The following FANCC variants were observed in gnomAD, a reference collection of about 807,000 sequenced individuals.
FANCC encodes FA complementation group C.
Under a neutral mutation model 71.3 loss-of-function variants are expected in FANCC, and 55 were observed. The observed-to-expected ratio is 0.77, with a 90% confidence interval of 0.62 to 0.97. The LOEUF (loss-of-function observed/expected upper bound fraction) is 0.97. Ranked by LOEUF, FANCC falls within the 50% of genes least tolerant of loss-of-function variation. The pLI is 0.00. For synonymous variants in FANCC, 275 were observed against 244.9 expected (o/e 1.12, Z -1.15); for missense variants, 678 against 670.9 (o/e 1.01, Z -0.12).
chr9:95,268,400 T>C (rs1006446439), intron 1 of FANCC, among the ~76,000 whole-genome samples: 4 of 152,228 alleles, frequency 2.6e-5, no homozygotes, highest in Admixed American at 2.6e-4. Flanking sequence ...AAAGGGTCTG[T>C]TGTCAGCTAA....
chr9:95,171,800 T>C (rs1446300184), intron 5 of FANCC, among the ~76,000 whole-genome samples: 1 of 152,198 alleles, frequency 6.6e-6, no homozygotes, highest in Non-Finnish European at 1.5e-5. Context: ...GATGTGTCCC[T>C]AGAAAGAGAG....
chr9:95,286,411 G>A (rs1004361946), intron 1 of FANCC, among the ~76,000 whole-genome samples: 7 of 152,124 alleles, frequency 4.6e-5, no homozygotes, highest in Non-Finnish European at 7.4e-5. Flanking sequence ...GCTCCTTACA[G>A]GAAAAACAAG....
chr9:95,236,600 A>G (rs1327920976), intron 4 of FANCC, among the ~76,000 whole-genome samples: 2 of 152,252 alleles, frequency 1.3e-5, no homozygotes, highest in Non-Finnish European at 2.9e-5. Flanking sequence ...TGCTAAAAAT[A>G]CAACTCAGTC....
chr9:95,205,812 A>C (rs936842683), intron 4 of FANCC, among the ~76,000 whole-genome samples: 6 of 152,210 alleles, frequency 3.9e-5, no homozygotes, highest in Non-Finnish European at 5.9e-5. Context: ...GGCTAGCAAG[A>C]ACAACATTTT....
At chr9:95,214,301 G>A (rs1828708609) in intron 4 of FANCC, among the ~76,000 whole-genome samples, 1 of 152,096 alleles carries the variant, frequency 6.6e-6, no homozygotes, top group South Asian at 2.1e-4. Context: ...GCATGATGGT[G>A]CATGCCTGTA....
At chr9:95,292,597 T>C in intron 1 of FANCC, 1 of 1,462,376 alleles carries the variant, frequency 6.8e-7, no homozygotes, top group Admixed American at 1.7e-5. Flanking sequence ...CTGTGCACCG[T>C]GCGCGGCTGC....
chr9:95,316,434 A>G (rs1835743849), intron 1 of FANCC, among the ~76,000 whole-genome samples: 1 of 152,226 alleles, frequency 6.6e-6, no homozygotes, highest in South Asian at 2.1e-4. Context: ...TCAGGGGAGT[A>G]AGGAGAAAAC....
At chr9:95,213,550 G>A (rs1190557575) in intron 4 of FANCC, among the ~76,000 whole-genome samples, 2 of 152,140 alleles carry the variant, frequency 1.3e-5, no homozygotes, top group African/African-American at 4.8e-5. Context: ...ATCATTCAAT[G>A]GGGAAAAGAC....
chr9:95,122,663 C>T (rs2072978178), intron 10 of FANCC, among the ~76,000 whole-genome samples: 1 of 152,134 alleles, frequency 6.6e-6, no homozygotes, highest in South Asian at 2.1e-4. Flanking sequence ...TCCATAGTGC[C>T]CACGGCCAAC....
At chr9:95,138,110 G>A (rs1287377432) in intron 7 of FANCC, among the ~76,000 whole-genome samples, 1 of 152,268 alleles carries the variant, frequency 6.6e-6, no homozygotes, top group East Asian at 1.9e-4. Flanking sequence ...CTCATTAACA[G>A]CCCTACAAAA....
At chr9:95,108,827 G>GA (rs1198201348) in intron 13 of FANCC, among the ~76,000 whole-genome samples, 3 of 151,792 alleles carry the variant, frequency 2.0e-5, no homozygotes, top group Admixed American at 2.0e-4. Flanking sequence ...TACACATAAT[G>GA]CCTTGTATCT....
intron 4 of FANCC, among the ~76,000 whole-genome samples, chr9:95,228,533 T>C (rs1829777276): frequency 6.6e-6 from 1 of 152,192 alleles, no homozygotes; most frequent in Non-Finnish European, 1.5e-5. Flanking sequence ...GCTTACTGTG[T>C]GCCAGGCACT....
chr9:95,222,052 G>A (rs1829307369), intron 4 of FANCC, among the ~76,000 whole-genome samples: 1 of 151,222 alleles, frequency 6.6e-6, no homozygotes, highest in Admixed American at 6.6e-5. Context: ...GTTCAAACTG[G>A]GCCTAGGAGC....
At chr9:95,103,645 C>T (rs2071223640) in intron 14 of FANCC, among the ~76,000 whole-genome samples, 1 of 152,164 alleles carries the variant, frequency 6.6e-6, no homozygotes, top group Admixed American at 6.5e-5. Flanking sequence ...GCAGGAGAAC[C>T]GCAGGGACGT....
chr9:95,207,613 A>G (rs1042035635), intron 4 of FANCC, among the ~76,000 whole-genome samples: 8 of 152,148 alleles, frequency 5.3e-5, no homozygotes, highest in African/African-American at 1.9e-4. Context: ...GATGCTCCCT[A>G]GAACTCCGGG....
chr9:95,218,936 C>T (rs971648226), intron 4 of FANCC, among the ~76,000 whole-genome samples: 1 of 152,192 alleles, frequency 6.6e-6, no homozygotes, highest in Non-Finnish European at 1.5e-5. Context: ...ACACTGAAAA[C>T]GATAGGAAAT....
chr9:95,277,978 C>CA (rs1258640135), intron 1 of FANCC, among the ~76,000 whole-genome samples: 1 of 152,130 alleles, frequency 6.6e-6, no homozygotes, highest in African/African-American at 2.4e-5. Flanking sequence ...TATAAATGCA[C>CA]ATTTTTTCTC....
At chr9:95,250,462 T>C (rs1588356060) in intron 1 of FANCC, among the ~76,000 whole-genome samples, 1 of 152,212 alleles carries the variant, frequency 6.6e-6, no homozygotes, top group East Asian at 1.9e-4. Flanking sequence ...CAAAAAAATC[T>C]AGATCGGGAA....
intron 4 of FANCC, among the ~76,000 whole-genome samples, chr9:95,235,295 C>T (rs186973351): frequency 1.2e-4 from 19 of 152,112 alleles, no homozygotes; most frequent in African/African-American, 4.6e-4. Flanking sequence ...GGTGGCACCA[C>T]AGATCAGTGG....
Sources: allele counts gnomAD v4.1 joint callset (sites outside exome capture counted in the v4.1 genomes callset), GRCh38; gene constraint gnomAD v4.1.1; transcripts MANE v1.5; gene names NCBI Gene and HGNC (gene_info 2026-07-23, HGNC 2026-07-21).